CCDC124: variants seen among roughly 807,000 people sequenced by gnomAD.
The protein encoded by CCDC124 is coiled-coil domain-containing protein 124.
Under a neutral mutation model 19.8 loss-of-function variants are expected in CCDC124, and 9 were observed. The ratio of observed to expected loss-of-function variants is 0.45; its 90% CI spans 0.27 to 0.79. The LOEUF is 0.79. CCDC124 is among the 30% of genes least tolerant of loss of function. The pLI is 0.14. For synonymous variants in CCDC124, 126 were observed against 131.3 expected (o/e 0.96, Z 0.27); for missense variants, 285 against 319.0 (o/e 0.89, Z 0.81).
At chr19:17,935,069 CTG>C (rs1428227213) in intron 1 of CCDC124, 1 of 152,332 alleles carries the variant, frequency 6.6e-6, no homozygotes, top group Non-Finnish European at 1.5e-5. Flanking sequence ...GCACAAGCCA[CTG>C]TGCCTAATTA....
chr19:17,943,661 C>T lies in CCDC124; in HGVS notation c.618C>T (p.Arg206=), dbSNP rs2031244848. The change falls in exon 5 of 5, where the codon CGC becomes CGT. Residue 206 remains arginine (R), a synonymous_variant. Transcript: ENST00000445755. ...LKQLLKKEWL[R]SPDNPMNQRA... is the part of the protein sequence containing the mutation. ...AGCTGCTCAAGAAGGAGTGGCTCCG[C>T]TCTCCTGACAACCCCATGAACCAGC... 6.2e-7 allele frequency: 1 copy of T among 1,612,928 alleles called. No individual in the cohort carries two copies. The highest frequency in any genetic ancestry group is 1.1e-5 in the South Asian group (1 of 91,078).
rs1424526878 is a variant in CCDC124 at position 17,943,600 on chromosome 19, A to T, written c.557A>T (p.Gln186Leu). ...FEEAQLPRLKQENPNMRLSQL... is the reference protein window; with the variant it reads ...FEEAQLPRLKLENPNMRLSQL... The stretch of plus-strand genomic sequence containing the variant: ...GAAGCCCAGCTGCCGCGGCTCAAAC[A>T]AGAGAACCCCAACATGCGGCTGTCG... Residue 186 changes from glutamine (Q) to leucine (L), a missense_variant, in exon 5 of 5, where the codon CAA becomes CTA. Physicochemically the swap from Gln to Leu is moderately radical, Grantham distance 113. Transcript: ENST00000445755. The T allele has an allele frequency of 3.1e-6, 5 of 1,612,992 alleles. No homozygotes were observed. The East Asian group carries it at 8.9e-5, about 29-fold the overall frequency.
chr19:17,936,316 A>G (rs2031060920), intron 1 of CCDC124, 94 bp from the exon 2 acceptor site: 4 of 1,075,352 alleles, frequency 3.7e-6, no homozygotes, highest in African/African-American at 1.6e-5. Context: ...AGAGGCCCCA[A>G]GAGGGTCATG....
chr19:17,939,439 A>G (rs913970102), intron 2 of CCDC124, among the ~76,000 whole-genome samples: 2 of 152,008 alleles, frequency 1.3e-5, no homozygotes, highest in African/African-American at 4.8e-5. Context: ...ATCCAGACAG[A>G]ATCCAGAGAC....
At chr19:17,941,394 C>T (rs1256962596) in intron 2 of CCDC124, among the ~76,000 whole-genome samples, 2 of 151,916 alleles carry the variant, frequency 1.3e-5, no homozygotes, top group Admixed American at 6.6e-5. Context: ...CACCTGCAGT[C>T]CCAGCTATTT....
At chr19:17,934,315 G>A (rs1286279263) in intron 1 of CCDC124, among the ~76,000 whole-genome samples, 1 of 151,928 alleles carries the variant, frequency 6.6e-6, no homozygotes, top group Non-Finnish European at 1.5e-5. Flanking sequence ...GAACCGGGTG[G>A]GTGGAGGTTG....
chr19:17,936,170 G>C, intron 1 of CCDC124: 1 of 395,250 alleles, frequency 2.5e-6, no homozygotes, highest in Non-Finnish European at 4.5e-6. Context: ...CTCCCAAAGT[G>C]CTGGGATTAC....
rs1325183994 is a variant in CCDC124 at position 17,942,636 on chromosome 19, C to T, written c.160-20C>T. The T allele has an allele frequency of 1.9e-6, 3 of 1,551,152 alleles. No individual in the cohort carries two copies. The South Asian group carries it at 3.6e-5, about 18-fold the overall frequency. On this transcript the variant is annotated intron_variant, in intron 2 of 4. Transcript: ENST00000445755. The surrounding 1 kb of genome is among the most constrained non-coding windows in gnomAD (Gnocchi z 4.2). Reference sequence around the variant, plus strand: ...GGGGGTGTGGGGTCTTCTGCCTGACCATGCACGCCGCCCCCGCAGGAGGAG... The same window carrying T: ...GGGGGTGTGGGGTCTTCTGCCTGACTATGCACGCCGCCCCCGCAGGAGGAG...
intron 1 of CCDC124, among the ~76,000 whole-genome samples, chr19:17,934,805 T>A (rs965403974): frequency 2.6e-5 from 4 of 151,932 alleles, no homozygotes; most frequent in Non-Finnish European, 5.9e-5. Context: ...ATAAATGTAC[T>A]CTCACACTGT....
Position 17,936,465 on chromosome 19 carries a change from C to G in CCDC124, c.45C>G (p.Ala15=). 3 of 1,613,350 alleles carry G rather than the reference C, an allele frequency of 1.9e-6. No homozygotes were observed. The highest frequency in any genetic ancestry group is 2.5e-6 in the Non-Finnish European group (3 of 1,179,854). Reference sequence around the variant, plus strand: ...GTGAGAACACCAAGTCGGCAGCGGCCCGGGCACGTAGGGCAGAGGCCAAGG... The same window carrying G: ...GTGAGAACACCAAGTCGGCAGCGGCGCGGGCACGTAGGGCAGAGGCCAAGG... ...FQGENTKSAA[A]RARRAEAKAA... Residue 15 remains alanine (A), a synonymous_variant, in exon 2 of 5, where the codon GCC becomes GCG. Coordinates refer to ENST00000445755, the MANE Select transcript of CCDC124 (RefSeq NM_001136203.2).
chr19:17,940,102 G>T (rs933629724), intron 2 of CCDC124, among the ~76,000 whole-genome samples: 1 of 150,150 alleles, frequency 6.7e-6, no homozygotes, highest in African/African-American at 2.5e-5. Context: ...TAGTAGAGAT[G>T]GGGTTTCACC....
chr19:17,937,315 A>G (rs2031087249), intron 2 of CCDC124, among the ~76,000 whole-genome samples: 1 of 152,070 alleles, frequency 6.6e-6, no homozygotes, highest in Non-Finnish European at 1.5e-5. Context: ...GAGGCACTGG[A>G]GATGGCAGAG....
At position 17,942,651 on chromosome 19, in the gene CCDC124, C is replaced by G. The variant is rs1209901598; in HGVS notation, c.160-5C>G. On this transcript the variant is annotated splice_region_variant and splice_polypyrimidine_tract_variant and intron_variant, in intron 2 of 4. Transcript: ENST00000445755. This position sits in a 1 kb window ranked among gnomAD's most constrained non-coding sequence, Gnocchi z 4.2. The stretch of plus-strand genomic sequence containing the variant: ...TCTGCCTGACCATGCACGCCGCCCC[C>G]GCAGGAGGAGAAGGAGAAGCGGCGC... 6.4e-6 allele frequency: 10 copies of G among 1,553,730 alleles called. No individual in the cohort carries two copies. The East Asian group carries it at 2.4e-4, about 37-fold the overall frequency.
intron 2 of CCDC124, among the ~76,000 whole-genome samples, chr19:17,938,670 C>T (rs982632720): frequency 1.3e-5 from 2 of 152,150 alleles, no homozygotes; most frequent in Non-Finnish European, 1.5e-5. Flanking sequence ...CAGCTCAATG[C>T]AGTCTTGACT....
In CCDC124 at chr19:17,943,241, T is replaced by TCTGGGCCCCCC; in HGVS notation, c.350-19_350-18insTGGGCCCCCCC. The stretch of plus-strand genomic sequence containing the variant: ...CTTTGCTTATCTCTCTCTGTCTCTG[T>TCTGGGCCCCCC]CACCCACCCACCCGCCCAGCCGAGA... On this transcript the variant is annotated intron_variant, in intron 3 of 4. Transcript: ENST00000445755. 1 of 736,676 alleles carries TCTGGGCCCCCC rather than the reference T, an allele frequency of 1.4e-6. No individual in the cohort carries two copies. The highest frequency in any genetic ancestry group is 2.4e-6 in the Non-Finnish European group (1 of 414,968). 45.6% of individuals were successfully genotyped at this position (736,676 alleles called of 1,614,324 possible).
rs1201954414 is a variant in CCDC124 at position 17,943,409 on chromosome 19, T to C, written c.464+34T>C. ...GCGGGGCCTGGGGCTTTCCCAGGGGTGGAGCTGGTCATCGGGGGCGGGGCT... is the reference window on the plus strand; with the variant it reads ...GCGGGGCCTGGGGCTTTCCCAGGGGCGGAGCTGGTCATCGGGGGCGGGGCT... On this transcript the variant is annotated intron_variant, in intron 4 of 4. Coordinates refer to ENST00000445755, the MANE Select transcript of CCDC124 (RefSeq NM_001136203.2). 3 of 1,292,358 alleles carry C rather than the reference T, an allele frequency of 2.3e-6. No homozygotes were observed. The South Asian group carries it at 4.2e-5, about 18-fold the overall frequency. 80.1% of individuals were successfully genotyped at this position (1,292,358 alleles called of 1,614,324 possible). A position where few individuals can be genotyped will look rare whatever the true frequency, so the allele number is the denominator to read the frequency against.
chr19:17,942,626 T>C lies in CCDC124; in HGVS notation c.160-30T>C, dbSNP rs1347520838. On this transcript the variant is annotated intron_variant, in intron 2 of 4. Coordinates refer to ENST00000445755, the MANE Select transcript of CCDC124 (RefSeq NM_001136203.2). This position sits in a 1 kb window ranked among gnomAD's most constrained non-coding sequence, Gnocchi z 4.2. ...TGGGTGGCGCGGGGGTGTGGGGTCT[T>C]CTGCCTGACCATGCACGCCGCCCCC... 6.5e-7 allele frequency: 1 copy of C among 1,549,344 alleles called. No homozygotes were observed. Among genetic ancestry groups the C allele is most frequent in the South Asian group, 1.2e-5 (1 of 83,964 alleles).
In CCDC124 at chr19:17,943,911, C is replaced by A; in HGVS notation, c.*196C>A. Reference sequence around the variant, plus strand: ...CCCCGAGTGACACCCCATCCCCTCCCATCCCCCGGCGCGTGTGTGTAGAGC... The same window carrying A: ...CCCCGAGTGACACCCCATCCCCTCCAATCCCCCGGCGCGTGTGTGTAGAGC... On this transcript the variant is annotated 3_prime_UTR_variant, in exon 5 of 5. Coordinates refer to ENST00000445755, the MANE Select transcript of CCDC124 (RefSeq NM_001136203.2). 1.6e-6 allele frequency: 1 copy of A among 607,102 alleles called. No homozygotes were observed. The highest frequency in any genetic ancestry group is 2.9e-5 in the Admixed American group (1 of 33,972). The allele number at this position is 607,102 out of a possible 1,614,324, so 37.6% of individuals were successfully genotyped here. A position where few individuals can be genotyped will look rare whatever the true frequency, so the allele number is the denominator to read the frequency against.
At chr19:17,936,192 AC>A in intron 1 of CCDC124, 1 of 456,680 alleles carries the variant, frequency 2.2e-6, no homozygotes, top group Non-Finnish European at 3.9e-6. Context: ...GGTGTGAGCC[AC>A]CAGACCTGGC....
Sources: gnomAD v4.1 joint callset for allele counts (sites outside exome capture counted in the v4.1 genomes callset) on GRCh38, gnomAD v4.1.1 for gene constraint, Gnocchi (gnomAD v3.1) non-coding constraint, MANE v1.5 for transcripts, NCBI Gene and HGNC (gene_info 2026-07-23, HGNC 2026-07-21) for gene names.